The following GRM8 variants were observed in gnomAD, a reference collection of about 807,000 sequenced individuals.
GRM8 encodes metabotropic glutamate receptor 8.
Under a neutral mutation model 87.2 loss-of-function variants are expected in GRM8, and 47 were observed. The observed-to-expected ratio is 0.54, with a 90% CI of 0.43 to 0.69. GRM8 has a LOEUF of 0.69. Ranked by LOEUF, GRM8 falls within the 30% of genes least tolerant of loss-of-function variation. The pLI is 0.00. For missense variants in GRM8, 1,019 were observed against 1,139.2 expected (o/e 0.89, Z 1.52); for synonymous variants, 396 against 404.5 (o/e 0.98, Z 0.25).
chr7:126,598,417 A>C (rs1797422261), intron 8 of GRM8, among the ~76,000 whole-genome samples: 1 of 152,106 alleles, frequency 6.6e-6, no homozygotes, highest in Non-Finnish European at 1.5e-5. Flanking sequence ...AAATAGTAAC[A>C]AGATTACTTC....
intron 3 of GRM8, among the ~76,000 whole-genome samples, chr7:126,955,346 G>T (rs1275555737): frequency 6.6e-6 from 1 of 151,998 alleles, no homozygotes; most frequent in Non-Finnish European, 1.5e-5. Flanking sequence ...CAATACAAAG[G>T]CTGTAAAATA....
chr7:127,012,773 A>G (rs1815023693), intron 3 of GRM8, among the ~76,000 whole-genome samples: 1 of 152,116 alleles, frequency 6.6e-6, no homozygotes, highest in Non-Finnish European at 1.5e-5. Context: ...CTTCCCTTTT[A>G]TTCCTTTTAC....
At chr7:126,688,437 G>C (rs1188283526) in intron 7 of GRM8, among the ~76,000 whole-genome samples, 1 of 152,096 alleles carries the variant, frequency 6.6e-6, no homozygotes, top group African/African-American at 2.4e-5. Flanking sequence ...GATGAATAGA[G>C]CCCTAAGTAT....
chr7:127,015,072 A>AAGAAGAAGAAAGAAGGAG (rs757484218), intron 3 of GRM8, among the ~76,000 whole-genome samples: 2 of 103,796 alleles, frequency 1.9e-5, no homozygotes. Context: ...AAGAAGAAAG[A>AAGAAGAAGAAAGAAGGAG]AAGAAGGAGA....
intron 7 of GRM8, among the ~76,000 whole-genome samples, chr7:126,696,349 A>T (rs1363383354): frequency 2.6e-5 from 4 of 152,068 alleles, no homozygotes; most frequent in Non-Finnish European, 5.9e-5. Flanking sequence ...CCCCGCATGT[A>T]TTAGCTATTT....
At chr7:126,531,877 T>C (rs1814877563) in intron 9 of GRM8, among the ~76,000 whole-genome samples, 1 of 152,236 alleles carries the variant, frequency 6.6e-6, no homozygotes, top group Non-Finnish European at 1.5e-5. Context: ...TGGAATGTTA[T>C]AGCCTGGGAA....
At chr7:126,856,962 T>G (rs74614114) in intron 6 of GRM8, among the ~76,000 whole-genome samples, 3,245 of 152,340 alleles carry the variant, frequency 0.021, 121 homozygotes, top group African/African-American at 0.073. Context: ...GAAAGTTCTC[T>G]GAGACTAGAT....
chr7:126,814,809 G>C (rs1416672078), intron 6 of GRM8, among the ~76,000 whole-genome samples: 1 of 149,544 alleles, frequency 6.7e-6, no homozygotes, highest in African/African-American at 2.5e-5. Flanking sequence ...ACAGACTGCT[G>C]TATAGGTCAA....
chr7:126,915,078 G>A lies in GRM8; in HGVS notation c.728-10395C>T, dbSNP rs2188192. On this transcript the variant is annotated intron_variant, in intron 3 of 10. Coordinates refer to ENST00000339582, the MANE Select transcript of GRM8 (RefSeq NM_000845.3). ...GTAGGTTCACAGGGTCAGCGTCCAC[G>A]CTGGGCTCTCACTCAGCCACAACTC... 4.6e-5 allele frequency among the ~76,000 whole-genome samples: 7 copies of A among 152,282 alleles called. No individual in the cohort carries two copies. In the East Asian group the frequency reaches 5.8e-4, roughly 13 times the overall value.
intron 8 of GRM8, among the ~76,000 whole-genome samples, chr7:126,538,374 C>T (rs1276924476): frequency 2.0e-5 from 3 of 152,048 alleles, no homozygotes; most frequent in Non-Finnish European, 4.4e-5. Context: ...GAAAGGATTA[C>T]AAGAATGATT....
At chr7:127,100,360 C>T (rs4728065) in intron 3 of GRM8, among the ~76,000 whole-genome samples, 78 of 152,030 alleles carry the variant, frequency 5.1e-4, no homozygotes, top group African/African-American at 1.6e-3. Flanking sequence ...TTATCATCTC[C>T]CATAATTGAA....
chr7:127,062,200 T>C (rs1820670640), intron 3 of GRM8, among the ~76,000 whole-genome samples: 1 of 149,314 alleles, frequency 6.7e-6, no homozygotes, highest in Non-Finnish European at 1.5e-5. Flanking sequence ...TAATTCCAGG[T>C]AATTCAGACA....
chr7:127,117,444 G>A (rs1028590053), intron 2 of GRM8, among the ~76,000 whole-genome samples: 1 of 152,172 alleles, frequency 6.6e-6, no homozygotes, highest in Non-Finnish European at 1.5e-5. Flanking sequence ...TTCTGTTTCT[G>A]CCAGTTTCTT....
chr7:126,463,467 T>A (rs910793194), intron 9 of GRM8, among the ~76,000 whole-genome samples: 1 of 151,606 alleles, frequency 6.6e-6, no homozygotes, highest in Non-Finnish European at 1.5e-5. Flanking sequence ...ATTGTAACGA[T>A]TGACCTTGTG....
intron 3 of GRM8, among the ~76,000 whole-genome samples, chr7:127,086,329 T>C (rs2237787): frequency 0.016 from 2,482 of 152,312 alleles, 115 homozygotes; most frequent in East Asian, 0.13. Flanking sequence ...CTCGATCTCC[T>C]GACCTCGTGA....
At chr7:126,788,137 C>A (rs1193950531) in intron 6 of GRM8, among the ~76,000 whole-genome samples, 2 of 151,700 alleles carry the variant, frequency 1.3e-5, no homozygotes, top group African/African-American at 2.4e-5. Flanking sequence ...CTGGCCGGTG[C>A]GATGGCTCAT....
At chr7:126,764,639 G>C (rs1019562747) in intron 7 of GRM8, among the ~76,000 whole-genome samples, 3 of 152,062 alleles carry the variant, frequency 2.0e-5, no homozygotes, top group African/African-American at 7.2e-5. Flanking sequence ...CTATGTACTG[G>C]TCTCTACAAT....
Position 127,191,852 on chromosome 7 carries a change from A to G in GRM8, c.510+50843T>C, listed in dbSNP as rs543495286. ...AATTTCTGACAAGCTTCGTTTTTCT[A>G]GGGTGTTTTGCTGAAGAGGCCCAAT... On this transcript the variant is annotated intron_variant, in intron 2 of 10. Transcript: ENST00000339582. Among the ~76,000 whole-genome samples the G allele has an allele frequency of 3.0e-4, 46 of 152,226 alleles. 1 individual carries two copies. In the South Asian group the frequency reaches 8.9e-3, roughly 30 times the overall value.
At chr7:126,798,431 C>T (rs1256175364) in intron 6 of GRM8, among the ~76,000 whole-genome samples, 1 of 152,018 alleles carries the variant, frequency 6.6e-6, no homozygotes, top group Non-Finnish European at 1.5e-5. Context: ...AAGACATGGC[C>T]ATGGCCACCT....
Sources: allele counts gnomAD v4.1 joint callset (sites outside exome capture counted in the v4.1 genomes callset), GRCh38; gene constraint gnomAD v4.1.1; transcripts MANE v1.5; gene names NCBI Gene and HGNC (gene_info 2026-07-23, HGNC 2026-07-21).